CCDC171: variants seen among roughly 807,000 people sequenced by gnomAD.
The protein encoded by CCDC171 is coiled-coil domain-containing protein 171.
CCDC171 carries 177 observed loss-of-function variants against 168.2 expected under a neutral mutation model. The ratio of observed to expected loss-of-function variants is 1.05; its 90% CI spans 0.93 to 1.19. The LOEUF (loss-of-function observed/expected upper bound fraction) is 1.19. CCDC171 is among the 50% of genes most tolerant of loss of function. CCDC171 has a pLI of 0.00. For synonymous variants in CCDC171, 687 were observed against 540.8 expected (o/e 1.27, Z -3.75); for missense variants, 1,991 against 1,539.0 (o/e 1.29, Z -4.91).
rs1045069980 is a variant in CCDC171 at position 15,980,758 on chromosome 9, TAAC to T, written n.369-39830_369-39828del. 6.8e-4 allele frequency among the ~76,000 whole-genome samples: 103 copies of T among 151,148 alleles called. 1 individual carries two copies. The highest frequency in any genetic ancestry group is 1.8e-4 in the Non-Finnish European group (12 of 67,918). ...GCTCATTTGGTTTTTTTTTTTTTAA[TAAC>T]TATTTCAAAGCACCTGCTACGTACT... On this transcript the variant is annotated intron_variant and non_coding_transcript_variant, in intron 3 of 9. Coordinates refer to the CCDC171 transcript ENST00000486641.
intron 25 of CCDC171, among the ~76,000 whole-genome samples, chr9:15,944,887 T>C (rs980479814): frequency 2.0e-5 from 3 of 150,270 alleles, no homozygotes; most frequent in Admixed American, 1.3e-4. Flanking sequence ...TTTCTTTCTT[T>C]TTTATCATTA....
chr9:15,797,734 A>T (rs1325097607), intron 21 of CCDC171, among the ~76,000 whole-genome samples: 1 of 152,092 alleles, frequency 6.6e-6, no homozygotes, highest in Non-Finnish European at 1.5e-5. Flanking sequence ...GATCCTTTTT[A>T]TATTTCATCT....
At chr9:16,041,909 G>A (rs1419460798), upstream of CCDC171, among the ~76,000 whole-genome samples, 1 of 152,148 alleles carries the variant, frequency 6.6e-6, no homozygotes, top group Non-Finnish European at 1.5e-5. Context: ...TTCTGAGCAA[G>A]TTTAGATGAA....
downstream of CCDC171, among the ~76,000 whole-genome samples, chr9:15,975,790 C>T (rs138155088): frequency 2.7e-3 from 417 of 152,192 alleles, 2 homozygotes; most frequent in African/African-American, 9.4e-3. Flanking sequence ...GAATAATGGC[C>T]GTACGAGATG....
At chr9:15,675,187 GTTTTTTTTTTTTTT>G (rs138989790) in intron 9 of CCDC171, among the ~76,000 whole-genome samples, 2 of 75,530 alleles carry the variant, frequency 2.6e-5, no homozygotes, top group Non-Finnish European at 4.5e-5. Flanking sequence ...TGCAACTCCT[GTTTTTTTTTTTTTT>G]TTTTTTTGCT....
At chr9:15,855,992 G>A (rs949225702) in intron 23 of CCDC171, among the ~76,000 whole-genome samples, 2 of 151,826 alleles carry the variant, frequency 1.3e-5, no homozygotes, top group African/African-American at 4.8e-5. Flanking sequence ...ATTTCCCTAC[G>A]TAGTTACCTT....
upstream of CCDC171, among the ~76,000 whole-genome samples, chr9:16,042,365 CATCAACCT>C (rs1833586939): frequency 6.6e-6 from 1 of 152,174 alleles, no homozygotes; most frequent in South Asian, 2.1e-4. Context: ...AAGAGGGCCC[CATCAACCT>C]AATAGGCAGC....
intron 24 of CCDC171, among the ~76,000 whole-genome samples, chr9:15,906,952 A>AT (rs1822743190): frequency 6.6e-6 from 1 of 152,014 alleles, no homozygotes; most frequent in South Asian, 2.1e-4. Flanking sequence ...AATACCTAGG[A>AT]TGTGAAGGAC....
intron 2 of CCDC171, among the ~76,000 whole-genome samples, chr9:15,568,078 A>G (rs1238489793): frequency 4.6e-5 from 7 of 151,618 alleles, no homozygotes; most frequent in African/African-American, 1.7e-4. Flanking sequence ...TTGTTTATTG[A>G]TCTTGTATTC....
intron 24 of CCDC171, among the ~76,000 whole-genome samples, chr9:15,911,646 C>T (rs1296768119): frequency 6.6e-6 from 1 of 152,142 alleles, no homozygotes; most frequent in East Asian, 1.9e-4. Flanking sequence ...AATGGTATTG[C>T]CTAGGTTCTC....
intron 21 of CCDC171, among the ~76,000 whole-genome samples, chr9:15,831,296 G>C (rs890804286): frequency 5.3e-5 from 8 of 152,012 alleles, no homozygotes; most frequent in Non-Finnish European, 8.8e-5. Context: ...AAACAAAACT[G>C]TACTTCGTAA....
Position 15,675,780 on chromosome 9 carries a change from A to T in CCDC171, c.1077-2978A>T, listed in dbSNP as rs758432137. ...TGGGCTTCCCTTGTTGGTGAACTGAACTTTCTCTCTGGCTGCCCTTAACAT... is the reference window on the plus strand; with the variant it reads ...TGGGCTTCCCTTGTTGGTGAACTGATCTTTCTCTCTGGCTGCCCTTAACAT... On this transcript the variant is annotated intron_variant, in intron 9 of 25. Coordinates refer to ENST00000380701, the MANE Select transcript of CCDC171 (RefSeq NM_173550.4). Among the ~76,000 whole-genome samples the T allele has an allele frequency of 1.1e-4, 16 of 152,140 alleles. No homozygotes were observed. The South Asian group carries it at 1.5e-3, about 14-fold the overall frequency.
intron 23 of CCDC171, chr9:15,850,270 A>G (rs1449455662): frequency 1.3e-5 from 2 of 151,960 alleles, no homozygotes; most frequent in African/African-American, 4.8e-5. Flanking sequence ...AACTTGGGGA[A>G]TGAACTTCGA....
chr9:15,576,954 G>A (rs2131195229), intron 3 of CCDC171, among the ~76,000 whole-genome samples: 1 of 152,302 alleles, frequency 6.6e-6, no homozygotes, highest in African/African-American at 2.4e-5. Context: ...GGAAAGGCTG[G>A]TTACCTCAGT....
intron 7 of CCDC171, among the ~76,000 whole-genome samples, chr9:15,653,253 C>T (rs569460578): frequency 6.6e-6 from 1 of 152,216 alleles, no homozygotes; most frequent in South Asian, 2.1e-4. Context: ...GATCCTCCCA[C>T]CTCAGCCTCC....
At chr9:15,727,214 T>C (rs16933504) in intron 14 of CCDC171, among the ~76,000 whole-genome samples, 2,900 of 152,290 alleles carry the variant, frequency 0.019, 96 homozygotes, top group South Asian at 0.13. Context: ...TGCCAAATAC[T>C]ATATGAACTT....
chr9:15,723,769 C>T (rs779215001), intron 13 of CCDC171, 23 bp downstream of exon 13: 3 of 1,185,278 alleles, frequency 2.5e-6, no homozygotes, highest in Admixed American at 4.3e-5. Context: ...ATAACTTTTA[C>T]CTTTTGTATT....
Position 15,874,009 on chromosome 9 carries a change from C to T in CCDC171, c.3469-523C>T, listed in dbSNP as rs1817523822. On this transcript the variant is annotated intron_variant, in intron 23 of 25. Transcript: ENST00000380701. ...TAGAAGAGTGAAAAGGGCAAACAAA[C>T]CTCTTTCTTGTATATTTTTAAGTCT... Among the ~76,000 whole-genome samples, 3 of 152,098 alleles carry T rather than the reference C, an allele frequency of 2.0e-5. No homozygotes were observed. In the South Asian group the frequency reaches 6.2e-4, roughly 32 times the overall value.
the CCDC171 span, among the ~76,000 whole-genome samples, chr9:16,088,022 C>T: frequency 6.6e-6 from 1 of 152,142 alleles, no homozygotes; most frequent in Non-Finnish European, 1.5e-5. Flanking sequence ...AGCTTATCCA[C>T]CACGATCAAC....
Sources: gnomAD v4.1 joint callset for allele counts (sites outside exome capture counted in the v4.1 genomes callset) on GRCh38, gnomAD v4.1.1 for gene constraint, MANE v1.5 for transcripts, NCBI Gene and HGNC (gene_info 2026-07-23, HGNC 2026-07-21) for gene names.